Variants in ABCC11 observed in about 807,000 individuals in gnomAD.
ABCC11 encodes the protein ATP-binding cassette sub-family C member 11.
In ABCC11, 135 loss-of-function variants were observed where a neutral mutation model predicts 149.3. The ratio of observed to expected loss-of-function variants is 0.90; its 90% CI spans 0.79 to 1.04. ABCC11 has a LOEUF of 1.04. Ranked by LOEUF, ABCC11 falls within the 50% of genes least tolerant of loss-of-function variation. The pLI, the probability that ABCC11 is intolerant of heterozygous loss-of-function variation, is 0.00. For missense variants in ABCC11, 1,680 were observed against 1,722.1 expected (o/e 0.98, Z 0.43); for synonymous variants, 665 against 671.4 (o/e 0.99, Z 0.15).
intron 28 of ABCC11, among the ~76,000 whole-genome samples, 163 bp downstream of exon 28, chr16:48,169,942 C>G (rs562408856): frequency 2.0e-5 from 3 of 150,302 alleles, no homozygotes; most frequent in South Asian, 2.1e-4. Flanking sequence ...TGAATAAGCC[C>G]TTTGGATTCT....
intron 1 of ABCC11, chr16:48,244,413 A>G (rs201209448): frequency 2.5e-6 from 4 of 1,578,850 alleles, no homozygotes; most frequent in Non-Finnish European, 8.6e-7. Context: ...CCCCATCCAG[A>G]TCCCCAGTCG....
At chr16:48,240,637 A>G (rs894576672) in intron 1 of ABCC11, among the ~76,000 whole-genome samples, 1 of 152,116 alleles carries the variant, frequency 6.6e-6, no homozygotes, top group African/African-American at 2.4e-5. Flanking sequence ...ATGTTTACCT[A>G]TGTAACAAAC....
In ABCC11 at chr16:48,224,256, C is replaced by T. The variant is rs369491245; in HGVS notation, c.543+26G>A. The T allele has an allele frequency of 3.7e-6, 6 of 1,612,214 alleles. No homozygotes were observed. The African/African-American group carries it at 8.0e-5, about 22-fold the overall frequency. ...TAAACCTCTGAAGCCTAGAGTCCCC[C>T]AAACCTCACCAAGTCTGCCACTTAC... is the stretch of plus-strand genomic sequence containing the variant. On this transcript the variant is annotated intron_variant, in intron 5 of 29. Transcript: ENST00000356608.
chr16:48,177,989 G>C (rs1038692708), intron 24 of ABCC11, among the ~76,000 whole-genome samples: 6 of 152,154 alleles, frequency 3.9e-5, no homozygotes, highest in African/African-American at 1.4e-4. Context: ...TCTAGATAAA[G>C]GGCTTAGCAC....
chr16:48,192,746 C>G (rs370100295), intron 19 of ABCC11, 29 bp from the exon 20 acceptor site: 1 of 1,609,004 alleles, frequency 6.2e-7, no homozygotes, highest in African/African-American at 1.3e-5. Flanking sequence ...GGTCTGACTG[C>G]AGGTGTCCGG....
intron 6 of ABCC11, among the ~76,000 whole-genome samples, chr16:48,222,153 TC>T (rs1969787985): frequency 6.6e-6 from 1 of 151,418 alleles, no homozygotes; most frequent in East Asian, 1.9e-4. Flanking sequence ...AGTCTCAAAC[TC>T]CTGGATTCAA....
At chr16:48,217,163 A>T (rs1316074711) in intron 6 of ABCC11, among the ~76,000 whole-genome samples, 3 of 152,114 alleles carry the variant, frequency 2.0e-5, no homozygotes, top group South Asian at 4.1e-4. Flanking sequence ...TGGTAACACC[A>T]CTAATATCTA....
chr16:48,227,354 A>T (rs1156324419), intron 4 of ABCC11, among the ~76,000 whole-genome samples: 1 of 151,838 alleles, frequency 6.6e-6, no homozygotes, highest in African/African-American at 2.4e-5. Flanking sequence ...AGCGCCTGTA[A>T]TTCCAGCTAC....
At chr16:48,230,719 G>T in intron 2 of ABCC11, 146 bp from the exon 3 acceptor site, 1 of 997,576 alleles carries the variant, frequency 1.0e-6, no homozygotes, top group African/African-American at 1.6e-5. Context: ...ATAAGCAGGG[G>T]ACCGAGAGTC....
intron 27 of ABCC11, 76 bp downstream of exon 27, chr16:48,170,813 G>T: frequency 1.5e-6 from 2 of 1,357,866 alleles, no homozygotes; most frequent in Non-Finnish European, 2.1e-6. Context: ...AACACCACAT[G>T]AGAGGAGCCC....
intron 23 of ABCC11, among the ~76,000 whole-genome samples, chr16:48,183,764 A>G (rs1189805332): frequency 1.3e-5 from 2 of 152,216 alleles, no homozygotes; most frequent in African/African-American, 4.8e-5. Flanking sequence ...TCCTATCTCA[A>G]AAAATAAAAA....
chr16:48,224,396 C>A lies in ABCC11; in HGVS notation c.429G>T (p.Arg143Ser), dbSNP rs561703459. 9.9e-6 allele frequency: 16 copies of A among 1,614,170 alleles called. No individual in the cohort carries two copies. Among genetic ancestry groups the A allele is most frequent in the South Asian group, 6.6e-5 (6 of 91,090 alleles). ...LHRLWEEEVS[R>S]RGIEKASVLL... ...GCACTGAAGCTTTTTCAATCCCTCG[C>A]CTTGAGACTTCTTCTTCCCAAAGGC... is the stretch of plus-strand genomic sequence containing the variant. The change falls in exon 5 of 30, where the codon AGG becomes AGT. Residue 143 changes from arginine to serine, a missense_variant. Arg to Ser is a moderately radical substitution (Grantham distance 110, BLOSUM62 -1). Coordinates refer to ENST00000356608, the MANE Select transcript of ABCC11 (RefSeq NM_001370497.1).
At chr16:48,218,714 T>G (rs1037162656) in intron 6 of ABCC11, among the ~76,000 whole-genome samples, 1 of 151,954 alleles carries the variant, frequency 6.6e-6, no homozygotes, top group Non-Finnish European at 1.5e-5. Context: ...TGGGGGGAGT[T>G]TCCCTACACA....
chr16:48,226,545 GGGATTA>G (rs1449154666), intron 4 of ABCC11, among the ~76,000 whole-genome samples: 1 of 152,056 alleles, frequency 6.6e-6, no homozygotes, highest in Non-Finnish European at 1.5e-5. Flanking sequence ...CCAAAGTGCT[GGGATTA>G]CAGGCGTGAG....
chr16:48,230,347 T>C (rs1970346971), intron 3 of ABCC11, 90 bp downstream of exon 3: 3 of 1,440,532 alleles, frequency 2.1e-6, no homozygotes, highest in Admixed American at 2.5e-5. Flanking sequence ...GATGTAGTTA[T>C]GCAACCTTCG....
At chr16:48,177,271 C>T (rs184691369) in intron 24 of ABCC11, among the ~76,000 whole-genome samples, 158 bp from the exon 25 acceptor site, 49 of 152,332 alleles carry the variant, frequency 3.2e-4, no homozygotes, top group East Asian at 1.2e-3. Context: ...GAACATCGCC[C>T]GTGCCCCCAT....
At chr16:48,217,333 A>G (rs1489205069) in intron 6 of ABCC11, among the ~76,000 whole-genome samples, 1 of 152,174 alleles carries the variant, frequency 6.6e-6, no homozygotes, top group Non-Finnish European at 1.5e-5. Context: ...CTATATAAAA[A>G]GTAACATTTG....
chr16:48,172,010 C>T (rs1489055153), intron 26 of ABCC11, among the ~76,000 whole-genome samples: 1 of 152,064 alleles, frequency 6.6e-6, no homozygotes, highest in Non-Finnish European at 1.5e-5. Context: ...TTATCCCCAA[C>T]AAAAACTCTA....
At chr16:48,167,852 C>T (rs905809302) in intron 28 of ABCC11, among the ~76,000 whole-genome samples, 192 bp from the exon 29 acceptor site, 1 of 152,142 alleles carries the variant, frequency 6.6e-6, no homozygotes, top group Non-Finnish European at 1.5e-5. Context: ...ATGAAGAGAA[C>T]GTTAGGTCTC....
Sources: allele counts gnomAD v4.1 joint callset (sites outside exome capture counted in the v4.1 genomes callset), GRCh38; gene constraint gnomAD v4.1.1; transcripts MANE v1.5; gene names NCBI Gene and HGNC (gene_info 2026-07-23, HGNC 2026-07-21).